Variants in GALNT13 observed in about 807,000 individuals in gnomAD.
GALNT13 encodes UDP-GalNAc:polypeptide N-acetylgalactosaminyltransferase 13.
GALNT13 carries 28 observed loss-of-function variants against 64.2 expected under a neutral mutation model. That is an observed-to-expected ratio of 0.44 (90% CI 0.32 to 0.60). The LOEUF (loss-of-function observed/expected upper bound fraction) is 0.60, where lower values mean the gene tolerates loss of function less well. Among genes scored for constraint, GALNT13 ranks in the 20% least tolerant of loss-of-function variants. The probability of loss-of-function intolerance (pLI) is 0.05; values close to 1 mark genes in which losing one functional copy is unlikely to be tolerated. For missense variants in GALNT13, 577 were observed against 669.8 expected, an observed-to-expected ratio of 0.86 and a Z score of 1.53; for synonymous variants, 214 against 224.6, an observed-to-expected ratio of 0.95 and a Z score of 0.42.
At chr2:154,109,845 G>T (rs935529810) in intron 3 of GALNT13, among the ~76,000 whole-genome samples, 1 of 151,944 alleles carries the variant, frequency 6.6e-6, no homozygotes, top group African/African-American at 2.4e-5. Flanking sequence ...GATACTTTTA[G>T]TAAGTTGTTG....
intron 3 of GALNT13, among the ~76,000 whole-genome samples, chr2:154,103,164 A>G (rs933936026): frequency 6.6e-6 from 1 of 152,004 alleles, no homozygotes; most frequent in South Asian, 2.1e-4. Flanking sequence ...TGATCACACT[A>G]CATAATCCTC....
intron 3 of GALNT13, among the ~76,000 whole-genome samples, chr2:154,047,854 T>G (rs1464838738): frequency 6.6e-6 from 1 of 152,170 alleles, no homozygotes; most frequent in East Asian, 1.9e-4. Flanking sequence ...CTGTGGAGTT[T>G]AACAGCGTCT....
chr2:154,096,026 G>A (rs965243135), intron 3 of GALNT13, among the ~76,000 whole-genome samples: 2 of 151,964 alleles, frequency 1.3e-5, no homozygotes, highest in African/African-American at 4.8e-5. Context: ...CTGAGAACAG[G>A]TATTATATTC....
chr2:154,093,427 T>A (rs974169155), intron 3 of GALNT13, among the ~76,000 whole-genome samples: 2 of 151,926 alleles, frequency 1.3e-5, no homozygotes, highest in African/African-American at 4.8e-5. Flanking sequence ...ATGTAGCATC[T>A]CTAATGTACC....
intron 2 of GALNT13, among the ~76,000 whole-genome samples, chr2:153,913,107 T>C (rs1689071080): frequency 6.6e-6 from 1 of 152,148 alleles, no homozygotes; most frequent in African/African-American, 2.4e-5. Flanking sequence ...GGACTGTGCA[T>C]GCCCTCTATG....
chr2:153,707,055 G>C, the GALNT13 span, among the ~76,000 whole-genome samples: 1 of 152,090 alleles, frequency 6.6e-6, no homozygotes, highest in Non-Finnish European at 1.5e-5. Context: ...TCCCCTGCAC[G>C]ATTTCTCTTT....
the GALNT13 span, among the ~76,000 whole-genome samples, chr2:153,759,421 G>A: frequency 3.9e-5 from 6 of 152,126 alleles, no homozygotes; most frequent in African/African-American, 1.4e-4. Flanking sequence ...TCATCATTAA[G>A]TATAATGTTA....
At chr2:153,767,890 T>C in the GALNT13 span, among the ~76,000 whole-genome samples, 1 of 152,130 alleles carries the variant, frequency 6.6e-6, no homozygotes, top group African/African-American at 2.4e-5. Context: ...TTTTCTCTGA[T>C]TATTTAAGTG....
At chr2:153,356,786 CCTCTTTTTTT>C in the GALNT13 span, among the ~76,000 whole-genome samples, 2 of 32,808 alleles carry the variant, frequency 6.1e-5, no homozygotes, top group Non-Finnish European at 1.1e-4. Flanking sequence ...TTTTCTTCTT[CCTCTTTTTTT>C]TTTTTTTTTT....
At chr2:153,693,842 C>T in the GALNT13 span, among the ~76,000 whole-genome samples, 3 of 151,998 alleles carry the variant, frequency 2.0e-5, no homozygotes, top group Admixed American at 6.6e-5. Flanking sequence ...CGGCTGGGCG[C>T]GGTGGCTCAC....
At chr2:153,118,261 C>T in the GALNT13 span, among the ~76,000 whole-genome samples, 1 of 152,124 alleles carries the variant, frequency 6.6e-6, no homozygotes, top group African/African-American at 2.4e-5. Context: ...TCAAACACAA[C>T]ACCTGAAATT....
At position 154,163,798 on chromosome 2, in the gene GALNT13, C is replaced by T. The variant is rs566173479; in HGVS notation, c.311+23293C>T. Among the ~76,000 whole-genome samples, 29 of 152,236 alleles carry T rather than the reference C, an allele frequency of 1.9e-4. No individual in the cohort carries two copies. The South Asian group carries it at 5.8e-3, about 30-fold the overall frequency. ...AGCACATAGAAATATCTGTCGTAAA[C>T]TGGGTTTTAAAAAAAGTGGACAAGA... On this transcript the variant is annotated intron_variant, in intron 4 of 12. Coordinates refer to ENST00000392825, the MANE Select transcript of GALNT13 (RefSeq NM_052917.4).
the GALNT13 span, among the ~76,000 whole-genome samples, chr2:153,365,987 A>G: frequency 6.6e-6 from 1 of 152,212 alleles, no homozygotes; most frequent in Non-Finnish European, 1.5e-5. Context: ...ACTTGGAACT[A>G]ACCCAAATGT....
chr2:154,214,771 T>C (rs1687956646), intron 4 of GALNT13, among the ~76,000 whole-genome samples: 2 of 152,162 alleles, frequency 1.3e-5, no homozygotes, highest in Admixed American at 1.3e-4. Context: ...TTAAACCTCT[T>C]GCCTTTATAA....
At chr2:154,078,940 AGTG>A (rs1701128542) in intron 3 of GALNT13, among the ~76,000 whole-genome samples, 1 of 151,612 alleles carries the variant, frequency 6.6e-6, no homozygotes, top group African/African-American at 2.4e-5. Context: ...TCATCTTTGG[AGTG>A]GTGAAGTGAC....
At chr2:153,126,318 A>G in the GALNT13 span, among the ~76,000 whole-genome samples, 60,930 of 118,964 alleles carry the variant, frequency 0.51, 16,519 homozygotes, top group Admixed American at 0.66. Context: ...ATATATATAT[A>G]TATATATATA....
At chr2:154,264,315 C>T (rs1690861148) in intron 8 of GALNT13, among the ~76,000 whole-genome samples, 2 of 151,888 alleles carry the variant, frequency 1.3e-5, no homozygotes, top group Admixed American at 1.3e-4. Context: ...AACTACATAA[C>T]ATACTTCTTA....
At chr2:153,899,539 G>C (rs563459597) in intron 1 of GALNT13, among the ~76,000 whole-genome samples, 15 of 152,028 alleles carry the variant, frequency 9.9e-5, no homozygotes, top group African/African-American at 3.6e-4. Context: ...TTCTCTGTTT[G>C]AGAGGTTCTG....
the GALNT13 span, among the ~76,000 whole-genome samples, chr2:153,350,757 A>G: frequency 6.6e-6 from 1 of 152,120 alleles, no homozygotes. Flanking sequence ...TATATCCAAC[A>G]AAAATGGTGC....
Sources: gnomAD v4.1 joint callset for allele counts (sites outside exome capture counted in the v4.1 genomes callset) on GRCh38, gnomAD v4.1.1 for gene constraint, MANE v1.5 for transcripts, NCBI Gene and HGNC (gene_info 2026-07-23, HGNC 2026-07-21) for gene names.